DNAH5: variants seen among roughly 807,000 people sequenced by gnomAD.
The protein encoded by DNAH5 is dynein axonemal heavy chain 5.
Under a neutral mutation model 518.2 loss-of-function variants are expected in DNAH5, and 372 were observed. The observed-to-expected ratio is 0.72, with a 90% CI of 0.66 to 0.78. The LOEUF is 0.78. DNAH5 is among the 30% of genes least tolerant of loss of function. The probability of loss-of-function intolerance (pLI) is 0.00; values close to 1 mark genes in which losing one functional copy is unlikely to be tolerated. For missense variants in DNAH5, 5,523 were observed against 5,687.0 expected (o/e 0.97, Z 0.93); for synonymous variants, 2,039 against 2,025.9 (o/e 1.01, Z -0.17).
chr5:13,751,284 A>C (rs1463506315), intron 64 of DNAH5, 24 bp from the exon 65 acceptor site: 6 of 1,574,110 alleles, frequency 3.8e-6, no homozygotes, highest in Non-Finnish European at 5.2e-6. Context: ...AGAAATTTAA[A>C]AGTAATAAAA....
At chr5:13,763,033 T>G in intron 59 of DNAH5, 132 bp from the exon 60 acceptor site, 1 of 819,128 alleles carries the variant, frequency 1.2e-6, no homozygotes, top group Non-Finnish European at 2.0e-6. Flanking sequence ...TTGTCACTAT[T>G]TTAAGATATG....
At chr5:13,957,488 T>C (rs555716949) in intron 1 of DNAH5, among the ~76,000 whole-genome samples, 1 of 152,320 alleles carries the variant, frequency 6.6e-6, no homozygotes, top group Non-Finnish European at 1.5e-5. Flanking sequence ...AACTTGTCTT[T>C]ATGTTCTGAT....
At position 13,708,122 on chromosome 5, in the gene DNAH5, C is replaced by G. The variant is rs1219958424; in HGVS notation, c.13338+1G>C. ...CAGAATAACAGCAGGCTTATACGTA[C>G]TTTTTTCCACCAAGCAGGGATTCTA... On this transcript the variant is annotated splice_donor_variant, in intron 76 of 78. Transcript: ENST00000265104. LOFTEE classifies it high-confidence loss of function. 7.4e-6 allele frequency: 12 copies of G among 1,613,940 alleles called. No homozygotes were observed. Among genetic ancestry groups the G allele is most frequent in the African/African-American group, 1.3e-5 (1 of 74,928 alleles).
chr5:13,726,408 CAGGGATCGGAGAAGCTAA>C (rs1428249352), intron 70 of DNAH5, among the ~76,000 whole-genome samples: 1 of 152,082 alleles, frequency 6.6e-6, no homozygotes, highest in Admixed American at 6.6e-5. Context: ...GTGGTAAGTC[CAGGGATCGGAGAAGCTAA>C]AGGGATCGGA....
chr5:13,793,833 A>G, intron 48 of DNAH5, 103 bp downstream of exon 48: 1 of 1,551,184 alleles, frequency 6.4e-7, no homozygotes, highest in Non-Finnish European at 8.8e-7. Flanking sequence ...TTCAGAAATT[A>G]TATCTTGAAA....
At chr5:13,797,132 C>T (rs1334155192) in intron 47 of DNAH5, among the ~76,000 whole-genome samples, 2 of 152,210 alleles carry the variant, frequency 1.3e-5, no homozygotes, top group African/African-American at 2.4e-5. Context: ...ATTCAGGATA[C>T]AGGCATGGGC....
intron 65 of DNAH5, among the ~76,000 whole-genome samples, chr5:13,743,620 GA>G (rs59471008): frequency 2.0e-5 from 3 of 151,292 alleles, no homozygotes; most frequent in South Asian, 2.1e-4. Flanking sequence ...CATCTCAACA[GA>G]AAAAAAATCA....
chr5:13,768,632 A>T (rs1752858359), intron 58 of DNAH5, among the ~76,000 whole-genome samples: 1 of 152,194 alleles, frequency 6.6e-6, no homozygotes, highest in South Asian at 2.1e-4. Context: ...AATGAATGAG[A>T]GAATGTTGCC....
chr5:13,819,610 G>T (rs1761958039), intron 41 of DNAH5, among the ~76,000 whole-genome samples: 1 of 152,064 alleles, frequency 6.6e-6, no homozygotes, highest in Non-Finnish European at 1.5e-5. Flanking sequence ...AACCGTCAAG[G>T]TTCTGTGACA....
intron 1 of DNAH5, among the ~76,000 whole-genome samples, chr5:13,949,854 G>A (rs1780244180): frequency 6.6e-6 from 1 of 152,150 alleles, no homozygotes. Flanking sequence ...CCTGGCTTTA[G>A]GACGTTACGC....
intron 59 of DNAH5, among the ~76,000 whole-genome samples, chr5:13,764,586 C>T (rs571703341): frequency 2.6e-5 from 4 of 152,316 alleles, no homozygotes; most frequent in Admixed American, 2.6e-4. Flanking sequence ...AACTTATACA[C>T]TGCTGGTAGG....
At chr5:13,725,839 A>G (rs1284460147) in intron 70 of DNAH5, among the ~76,000 whole-genome samples, 1 of 152,180 alleles carries the variant, frequency 6.6e-6, no homozygotes, top group Non-Finnish European at 1.5e-5. Flanking sequence ...TTTTTAGCAG[A>G]AATGCGGTTT....
chr5:13,763,148 T>C (rs962268753), intron 59 of DNAH5, among the ~76,000 whole-genome samples: 4 of 152,140 alleles, frequency 2.6e-5, no homozygotes, highest in African/African-American at 7.2e-5. Flanking sequence ...TAAATAAATA[T>C]AATGAGATCC....
Position 13,951,816 on chromosome 5 carries a change from G to C in DNAH5, c.13-20572C>G, listed in dbSNP as rs557485654. On this transcript the variant is annotated intron_variant, in intron 1 of 78. Transcript: ENST00000681290. ...GGCTATCTTTGCTGTTATCACAGCT[G>C]TGTTAGTTTTCATTAAAAAGAGAAA... 6.9e-4 allele frequency among the ~76,000 whole-genome samples: 105 copies of C among 152,308 alleles called. 1 individual carries two copies. Among genetic ancestry groups the C allele is most frequent in the Admixed American group, 3.9e-3 (59 of 15,300 alleles).
At chr5:13,696,390 G>C (rs926902097) in intron 78 of DNAH5, among the ~76,000 whole-genome samples, 14 of 152,228 alleles carry the variant, frequency 9.2e-5, no homozygotes, top group Admixed American at 3.9e-4. Context: ...GGTGAATTTA[G>C]TACTATTTGA....
chr5:13,876,942 T>C (rs1185476863), intron 21 of DNAH5, 125 bp from the exon 22 acceptor site: 4 of 966,996 alleles, frequency 4.1e-6, no homozygotes, highest in African/African-American at 1.7e-5. Flanking sequence ...ATAAAAACAA[T>C]GAAAATAATG....
chr5:13,995,229 C>A (rs1783853975), intron 1 of DNAH5, among the ~76,000 whole-genome samples: 1 of 152,232 alleles, frequency 6.6e-6, no homozygotes, highest in African/African-American at 2.4e-5. Context: ...AAGTCTCCCA[C>A]ATTGCCACAT....
At chr5:13,728,495 G>A (rs912639051) in intron 69 of DNAH5, among the ~76,000 whole-genome samples, 2 of 152,082 alleles carry the variant, frequency 1.3e-5, no homozygotes, top group African/African-American at 2.4e-5. Flanking sequence ...AATATTGAGG[G>A]GTTTCGTGCA....
intron 2 of DNAH5, 152 bp from the exon 3 acceptor site, chr5:13,928,330 T>C (rs1778088987): frequency 1.6e-6 from 1 of 625,070 alleles, no homozygotes; most frequent in Non-Finnish European, 2.8e-6. Context: ...AAAGGGAGCA[T>C]TTACATCAAA....
Sources: allele counts gnomAD v4.1 joint callset (sites outside exome capture counted in the v4.1 genomes callset), GRCh38; gene constraint gnomAD v4.1.1; transcripts MANE v1.5; gene names NCBI Gene and HGNC (gene_info 2026-07-23, HGNC 2026-07-21).